AFF3: variants seen among roughly 807,000 people sequenced by gnomAD.
AFF3 encodes the protein ALF transcription elongation factor 3.
A neutral mutation model predicts 129.7 loss-of-function variants in AFF3; 32 were observed. The observed-to-expected ratio is 0.25, with a 90% CI of 0.19 to 0.33. The LOEUF (loss-of-function observed/expected upper bound fraction) is 0.33, where lower values mean the gene tolerates loss of function less well. AFF3 is among the 10% of genes least tolerant of loss of function. The pLI is 1.00. For missense variants in AFF3, 1,373 were observed against 1,592.0 expected, an observed-to-expected ratio of 0.86 and a Z score of 2.34; for synonymous variants, 644 against 635.4, an observed-to-expected ratio of 1.01 and a Z score of -0.20.
intron 12 of AFF3, among the ~76,000 whole-genome samples, chr2:99,670,435 A>G (rs137991211): frequency 4.9e-4 from 74 of 152,296 alleles, no homozygotes; most frequent in African/African-American, 1.7e-3. Context: ...GGATTTTTAA[A>G]ATATTTTGGG....
chr2:99,862,754 C>T (rs60630243), intron 7 of AFF3, among the ~76,000 whole-genome samples: 12,773 of 152,246 alleles, frequency 0.084, 1,801 homozygotes, highest in African/African-American at 0.29. Context: ...CGAAGTGGAC[C>T]GAATGAGGTT....
chr2:100,010,546 A>G (rs973751808), intron 4 of AFF3, among the ~76,000 whole-genome samples: 2 of 152,180 alleles, frequency 1.3e-5, no homozygotes, highest in African/African-American at 4.8e-5. Context: ...CATCCTTAGT[A>G]TATTACCCAC....
intron 11 of AFF3, among the ~76,000 whole-genome samples, chr2:99,693,726 T>C (rs1047593114): frequency 6.6e-6 from 1 of 152,202 alleles, no homozygotes; most frequent in African/African-American, 2.4e-5. Flanking sequence ...AATAATGTCA[T>C]TAAAATCTTT....
At chr2:99,639,862 A>ATT (rs996087300) in intron 13 of AFF3, among the ~76,000 whole-genome samples, 1 of 147,120 alleles carries the variant, frequency 6.8e-6, no homozygotes, top group Non-Finnish European at 1.5e-5. Flanking sequence ...TAATTTTTGT[A>ATT]TTTTTTTTTT....
chr2:99,817,196 C>T (rs1687306849), intron 8 of AFF3, among the ~76,000 whole-genome samples: 1 of 152,164 alleles, frequency 6.6e-6, no homozygotes. Flanking sequence ...CCAGGTCTTC[C>T]CTTGGGGCAC....
chr2:99,690,250 G>A (rs970879522), intron 11 of AFF3, among the ~76,000 whole-genome samples: 34 of 147,480 alleles, frequency 2.3e-4, no homozygotes, highest in Admixed American at 1.3e-3. Flanking sequence ...GCGCGATCTC[G>A]GCTCACTGCA....
chr2:99,618,621 T>A (rs1681687320), intron 13 of AFF3, among the ~76,000 whole-genome samples: 2 of 152,242 alleles, frequency 1.3e-5, no homozygotes, highest in African/African-American at 2.4e-5. Context: ...TTAACTGTAA[T>A]GCTTCTTCCA....
At chr2:99,631,685 CCTT>C (rs1046086595) in intron 13 of AFF3, among the ~76,000 whole-genome samples, 2 of 152,172 alleles carry the variant, frequency 1.3e-5, no homozygotes, top group African/African-American at 4.8e-5. Flanking sequence ...GGTAGAATCT[CCTT>C]CTTTTGTAAT....
Position 100,006,788 on chromosome 2 carries a change from G to A in AFF3, c.717C>T (p.Asp239=), listed in dbSNP as rs138844530. ...QKPTAYVRPM[D]GQDQAPDESP... ...ACTCATCAGGGGCCTGATCTTGGCCGTCCATTGGCCTCACATACGCGGTCG... is the reference window on the plus strand; with the variant it reads ...ACTCATCAGGGGCCTGATCTTGGCCATCCATTGGCCTCACATACGCGGTCG... Residue 239 remains aspartate, a synonymous_variant, in exon 7 of 25, where the codon GAC becomes GAT. Transcript: ENST00000672756. 166 of 1,614,210 alleles carry A rather than the reference G, an allele frequency of 1.0e-4. No homozygotes were observed. Among genetic ancestry groups the A allele is most frequent in the African/African-American group, 4.1e-4 (31 of 75,052 alleles).
At chr2:100,042,940 T>C (rs1159007717) in intron 4 of AFF3, among the ~76,000 whole-genome samples, 3 of 152,218 alleles carry the variant, frequency 2.0e-5, no homozygotes, top group Non-Finnish European at 2.9e-5. Context: ...ACTGATGTTT[T>C]TCTCGGCATA....
At chr2:99,913,852 C>T (rs1695272529) in intron 7 of AFF3, among the ~76,000 whole-genome samples, 1 of 151,994 alleles carries the variant, frequency 6.6e-6, no homozygotes, top group Non-Finnish European at 1.5e-5. Flanking sequence ...TCAATCATAA[C>T]CTACTGAATA....
intron 12 of AFF3, among the ~76,000 whole-genome samples, chr2:99,668,210 C>T (rs539257852): frequency 1.3e-5 from 2 of 152,146 alleles, no homozygotes; most frequent in Admixed American, 1.3e-4. Context: ...GTCATGCTGT[C>T]ACCCGGGCTG....
At chr2:99,715,104 C>T (rs927454783) in intron 11 of AFF3, among the ~76,000 whole-genome samples, 2 of 152,210 alleles carry the variant, frequency 1.3e-5, no homozygotes, top group African/African-American at 2.4e-5. Flanking sequence ...TAAAGCCACA[C>T]GCTTCTTGCT....
chr2:99,620,269 T>A (rs553800995), intron 13 of AFF3, among the ~76,000 whole-genome samples: 1 of 152,302 alleles, frequency 6.6e-6, no homozygotes, highest in African/African-American at 2.4e-5. Flanking sequence ...AGAGATGGGC[T>A]TGGACTAGAT....
chr2:99,826,860 G>C (rs1688123228), intron 8 of AFF3, among the ~76,000 whole-genome samples: 1 of 152,122 alleles, frequency 6.6e-6, no homozygotes, highest in Non-Finnish European at 1.5e-5. Context: ...AGACTAGTGG[G>C]AGGCAGAGGG....
intron 7 of AFF3, chr2:100,006,392 C>G: frequency 6.8e-6 from 3 of 439,246 alleles, no homozygotes; most frequent in Non-Finnish European, 1.2e-5. Context: ...CCTTCCCTAA[C>G]TAATACATAC....
At chr2:99,564,683 G>C (rs191049322) in intron 20 of AFF3, among the ~76,000 whole-genome samples, 1 of 152,326 alleles carries the variant, frequency 6.6e-6, no homozygotes, top group Admixed American at 6.5e-5. Context: ...AAGATGATTA[G>C]AAATCTTCCA....
Position 99,672,176 on chromosome 2 carries a change from TCTCACACACACA to T in AFF3, c.1143+350_1143+361del, listed in dbSNP as rs1476044565. Among the ~76,000 whole-genome samples the T allele has an allele frequency of 3.6e-3, 136 of 37,272 alleles. 3 individuals are homozygous for T. The highest frequency in any genetic ancestry group is 0.01 in the African/African-American group (107 of 10,278). The allele number at this position is 37,272 out of a possible 152,430, so 24.5% of individuals were successfully genotyped here. ...TTGATCTCCAGAAGGCCAGTTAGCT[TCTCACACACACA>T]CACACACACACACACACACACACAC... On this transcript the variant is annotated intron_variant, in intron 12 of 24. Coordinates refer to ENST00000672756, the MANE Select transcript of AFF3 (RefSeq NM_001386135.1).
intron 7 of AFF3, among the ~76,000 whole-genome samples, chr2:99,976,239 C>T (rs1678876534): frequency 1.3e-5 from 2 of 152,180 alleles, no homozygotes; most frequent in African/African-American, 2.4e-5. Flanking sequence ...ATCTCTTTTA[C>T]TCTACCCCTT....
Sources: allele counts gnomAD v4.1 joint callset (sites outside exome capture counted in the v4.1 genomes callset), GRCh38; gene constraint gnomAD v4.1.1; transcripts MANE v1.5; gene names NCBI Gene and HGNC (gene_info 2026-07-23, HGNC 2026-07-21).